DRD2: variants seen among roughly 807,000 people sequenced by gnomAD.
DRD2 encodes the protein dopamine receptor D2.
In DRD2, 8 loss-of-function variants were observed where a neutral mutation model predicts 38.0. The observed-to-expected ratio is 0.21, with a 90% CI of 0.12 to 0.38. DRD2 has a LOEUF of 0.38. DRD2 is among the 10% of genes least tolerant of loss of function. The probability of loss-of-function intolerance (pLI) is 1.00; values close to 1 mark genes in which losing one functional copy is unlikely to be tolerated. For synonymous variants in DRD2, 230 were observed against 238.6 expected (o/e 0.96, Z 0.33); for missense variants, 403 against 607.7 (o/e 0.66, Z 3.54).
Position 113,418,016 on chromosome 11 carries a change from G to A in DRD2, c.395+11C>T. The A allele has an allele frequency of 6.2e-7, 1 of 1,612,472 alleles. No homozygotes were observed. Among genetic ancestry groups the A allele is most frequent in the African/African-American group, 1.3e-5 (1 of 75,016 alleles). On this transcript the variant is annotated intron_variant, in intron 3 of 7. Coordinates refer to ENST00000362072, the MANE Select transcript of DRD2 (RefSeq NM_000795.4). ...GGCCAGAGCAACCTCTTCCACCCTG[G>A]CTGGGCTCACCTGTCGATGCTGATG...
intron 1 of DRD2, among the ~76,000 whole-genome samples, chr11:113,460,471 G>A (rs956029730): frequency 6.6e-6 from 1 of 152,234 alleles, no homozygotes; most frequent in Non-Finnish European, 1.5e-5. Context: ...AAGCTTCCTG[G>A]GGTCAGAGGC....
intron 1 of DRD2, among the ~76,000 whole-genome samples, chr11:113,458,661 G>A (rs557584868): frequency 6.6e-6 from 1 of 152,192 alleles, no homozygotes; most frequent in South Asian, 2.1e-4. Flanking sequence ...GTGTGTGCAT[G>A]TGTGTGTGTG....
chr11:113,449,581 G>A (rs1447183572), intron 1 of DRD2, among the ~76,000 whole-genome samples: 1 of 152,098 alleles, frequency 6.6e-6, no homozygotes, highest in Non-Finnish European at 1.5e-5. Flanking sequence ...GCCATCATAG[G>A]TGCACAGTAA....
chr11:113,462,978 G>C (rs1951337231), intron 1 of DRD2, among the ~76,000 whole-genome samples: 3 of 151,880 alleles, frequency 2.0e-5, no homozygotes, highest in Admixed American at 2.0e-4. Context: ...ACCTTAGGTG[G>C]TTAGTATTAT....
chr11:113,452,332 C>A (rs893958638), intron 1 of DRD2, among the ~76,000 whole-genome samples: 1 of 152,050 alleles, frequency 6.6e-6, no homozygotes, highest in South Asian at 2.1e-4. Context: ...AGAAAAGCAG[C>A]AACTGTGAAG....
chr11:113,418,208 C>T lies in DRD2; in HGVS notation c.286-72G>A, dbSNP rs999205009. On this transcript the variant is annotated intron_variant, in intron 2 of 7. Coordinates refer to ENST00000362072, the MANE Select transcript of DRD2 (RefSeq NM_000795.4). ...AGCTTAGGTCCTGTAGCCTGGTACT[C>T]CTGGAGCCGATGAGGCCACAGACTC... The T allele has an allele frequency of 5.4e-6, 7 of 1,301,768 alleles. No individual in the cohort carries two copies. In the Admixed American group the frequency reaches 1.2e-4, roughly 23 times the overall value. 80.6% of individuals were successfully genotyped at this position (1,301,768 alleles called of 1,614,324 possible).
Position 113,415,488 on chromosome 11 carries a change from C to T in DRD2, c.656G>A (p.Arg219His), listed in dbSNP as rs200148328. Residue 219 changes from arginine (R) to histidine (H), a missense_variant, in exon 5 of 8, where the codon CGC (arginine) becomes CAC (histidine). Transcript: ENST00000362072. Reference protein sequence around the residue: ...YIKIYIVLRRRRKRVNTKRSS... With the variant: ...YIKIYIVLRRHRKRVNTKRSS... ...GCGTTTGGTGTTGACTCGCTTGCGGCGTCTGCGGAGGACAATGTAGATCTT... is the reference window on the plus strand; with the variant it reads ...GCGTTTGGTGTTGACTCGCTTGCGGTGTCTGCGGAGGACAATGTAGATCTT... The T allele has an allele frequency of 1.2e-6, 2 of 1,613,960 alleles. No individual in the cohort carries two copies. Among genetic ancestry groups the T allele is most frequent in the South Asian group, 1.1e-5 (1 of 91,072 alleles).
chr11:113,462,304 C>T (rs1951329394), intron 1 of DRD2, among the ~76,000 whole-genome samples: 1 of 152,184 alleles, frequency 6.6e-6, no homozygotes, highest in South Asian at 2.1e-4. Context: ...CCCCAACATC[C>T]ACCAATTCAT....
chr11:113,423,829 G>A (rs1950909100), intron 2 of DRD2, among the ~76,000 whole-genome samples: 2 of 152,336 alleles, frequency 1.3e-5, no homozygotes, highest in South Asian at 4.1e-4. Flanking sequence ...GGGAAGGAGA[G>A]GGGATATGGG....
At chr11:113,474,677 G>C (rs935770177) in intron 1 of DRD2, among the ~76,000 whole-genome samples, 4 of 151,788 alleles carry the variant, frequency 2.6e-5, no homozygotes, top group Admixed American at 2.0e-4. Context: ...GCGAGCCCCG[G>C]GTCTCGCGCT....
At chr11:113,458,824 G>A (rs957674621) in intron 1 of DRD2, among the ~76,000 whole-genome samples, 6 of 152,102 alleles carry the variant, frequency 3.9e-5, no homozygotes, top group African/African-American at 1.4e-4. Context: ...CTTTACAAAT[G>A]TTCAGGGTCT....
chr11:113,434,444 A>C (rs1951017719), intron 1 of DRD2, among the ~76,000 whole-genome samples: 1 of 152,160 alleles, frequency 6.6e-6, no homozygotes, highest in Non-Finnish European at 1.5e-5. Context: ...GCCTCTTCTG[A>C]GATCTCCTGT....
chr11:113,472,889 T>G (rs141606196), intron 1 of DRD2, among the ~76,000 whole-genome samples: 7 of 152,092 alleles, frequency 4.6e-5, no homozygotes, highest in Admixed American at 6.5e-5. Context: ...GGCCAAAAAT[T>G]TTAGAAAGAA....
intron 1 of DRD2, among the ~76,000 whole-genome samples, chr11:113,464,566 G>A (rs957440782): frequency 1.3e-5 from 2 of 152,156 alleles, no homozygotes; most frequent in African/African-American, 4.8e-5. Flanking sequence ...CTTGATGCCT[G>A]GCCTCCTACT....
At chr11:113,422,740 G>A (rs1188211848) in intron 2 of DRD2, among the ~76,000 whole-genome samples, 1 of 152,168 alleles carries the variant, frequency 6.6e-6, no homozygotes, top group Non-Finnish European at 1.5e-5. Flanking sequence ...GCCCGGGGTG[G>A]TGGTGAGAAC....
intron 1 of DRD2, among the ~76,000 whole-genome samples, chr11:113,453,696 C>T (rs748522384): frequency 3.9e-5 from 6 of 152,216 alleles, no homozygotes; most frequent in Non-Finnish European, 5.9e-5. Context: ...ATGATTAACA[C>T]GTTCCATGAC....
chr11:113,416,751 T>C, intron 4 of DRD2, 112 bp downstream of exon 4: 7 of 1,472,094 alleles, frequency 4.8e-6, no homozygotes, highest in Non-Finnish European at 6.5e-6. Flanking sequence ...GTGATAGGCC[T>C]CCATTGGGCC....
chr11:113,438,861 G>C (rs1316121315), intron 1 of DRD2, among the ~76,000 whole-genome samples: 1 of 152,174 alleles, frequency 6.6e-6, no homozygotes, highest in Non-Finnish European at 1.5e-5. Context: ...GCAATCATCA[G>C]CACTGCATTA....
chr11:113,430,242 G>A (rs866784124), intron 1 of DRD2, among the ~76,000 whole-genome samples: 26 of 152,236 alleles, frequency 1.7e-4, no homozygotes, highest in Admixed American at 3.3e-4. Flanking sequence ...TTGAGATGAG[G>A]TAGCAGCTGG....
Sources: gnomAD v4.1 joint callset for allele counts (sites outside exome capture counted in the v4.1 genomes callset) on GRCh38, gnomAD v4.1.1 for gene constraint, MANE v1.5 for transcripts, NCBI Gene and HGNC (gene_info 2026-07-23, HGNC 2026-07-21) for gene names.